Variants in SMYD3 observed in about 807,000 individuals in gnomAD.
The protein encoded by SMYD3 is SET and MYND domain containing 3.
Under a neutral mutation model 57.7 loss-of-function variants are expected in SMYD3, and 36 were observed. The observed-to-expected ratio is 0.62, with a 90% CI of 0.48 to 0.82. SMYD3 has a LOEUF of 0.82. Among genes scored for constraint, SMYD3 ranks in the 40% least tolerant of loss-of-function variants. The pLI, the probability that SMYD3 is intolerant of heterozygous loss-of-function variation, is 0.00. For missense variants in SMYD3, 515 were observed against 538.8 expected (o/e 0.96, Z 0.44); for synonymous variants, 211 against 195.0 (o/e 1.08, Z -0.68).
chr1:246,502,335 T>C lies in SMYD3; in HGVS notation c.164+4719A>G, dbSNP rs182930034. Among the ~76,000 whole-genome samples the C allele has an allele frequency of 2.6e-5, 4 of 152,166 alleles. No individual in the cohort carries two copies. In the East Asian group the frequency reaches 7.8e-4, roughly 30 times the overall value. The stretch of plus-strand genomic sequence containing the variant: ...TTAGTAGAGACAGGGTTTTGCCATG[T>C]CGCACAGGCTCATCTTGAACTTATG... On this transcript the variant is annotated intron_variant, in intron 1 of 11. Transcript: ENST00000490107.
chr1:245,947,324 A>G (rs2057458218), intron 5 of SMYD3: 1 of 455,376 alleles, frequency 2.2e-6, no homozygotes, highest in South Asian at 1.6e-5. Flanking sequence ...TGTGAATGTC[A>G]CAGTATTTGC....
intron 5 of SMYD3, among the ~76,000 whole-genome samples, chr1:246,051,470 T>G (rs962317084): frequency 2.0e-5 from 3 of 152,148 alleles, no homozygotes; most frequent in African/African-American, 7.2e-5. Flanking sequence ...ACACAGAAGT[T>G]GGTCCTCATA....
intron 10 of SMYD3, among the ~76,000 whole-genome samples, chr1:245,838,816 C>T (rs1198040446): frequency 6.6e-6 from 1 of 152,198 alleles, no homozygotes; most frequent in African/African-American, 2.4e-5. Flanking sequence ...ATCTGTAATA[C>T]TTAATGTATG....
intron 5 of SMYD3, among the ~76,000 whole-genome samples, chr1:245,980,079 TC>T (rs1285363697): frequency 3.9e-5 from 6 of 152,150 alleles, no homozygotes; most frequent in Admixed American, 3.9e-4. Context: ...GATAGTGAAG[TC>T]GGCCTCACAG....
rs1572942928 is a variant in SMYD3, at chr1:246,048,927, GTTTTTGTCC to G, written c.532-118999_532-118991del. On this transcript the variant is annotated intron_variant, in intron 5 of 11. Coordinates refer to ENST00000490107, the MANE Select transcript of SMYD3 (RefSeq NM_001167740.2). ...ACCAGGACATTGTCCATCTGGGATG[GTTTTTGTCC>G]AAACAGGAGGCGATAGTTATTAATT... 2.0e-5 allele frequency among the ~76,000 whole-genome samples: 3 copies of G among 152,264 alleles called. No homozygotes were observed. The East Asian group carries it at 5.8e-4, about 29-fold the overall frequency.
At chr1:246,176,873 C>T (rs181383231) in intron 5 of SMYD3, among the ~76,000 whole-genome samples, 50 of 152,224 alleles carry the variant, frequency 3.3e-4, no homozygotes, top group Non-Finnish European at 5.4e-4. Context: ...TCCCCTTAGA[C>T]GGCTCATGAG....
intron 5 of SMYD3, among the ~76,000 whole-genome samples, chr1:246,196,166 T>C (rs546179397): frequency 1.3e-5 from 2 of 152,294 alleles, no homozygotes; most frequent in East Asian, 1.9e-4. Flanking sequence ...GCAGGGGTGA[T>C]ATTTGCCCAG....
At chr1:245,869,601 G>A (rs567546663) in intron 8 of SMYD3, among the ~76,000 whole-genome samples, 24 of 152,238 alleles carry the variant, frequency 1.6e-4, no homozygotes, top group Non-Finnish European at 3.2e-4. Flanking sequence ...GAACTGTGCC[G>A]TTGTTCTCAG....
At chr1:246,379,556 G>A (rs1228682842) in intron 1 of SMYD3, among the ~76,000 whole-genome samples, 2 of 152,126 alleles carry the variant, frequency 1.3e-5, no homozygotes, top group African/African-American at 4.8e-5. Flanking sequence ...AAAAATTACT[G>A]AATTAACGTA....
chr1:246,394,643 A>C (rs930768752), intron 1 of SMYD3, among the ~76,000 whole-genome samples: 1 of 152,206 alleles, frequency 6.6e-6, no homozygotes, highest in African/African-American at 2.4e-5. Flanking sequence ...TCAACTCCCA[A>C]ACTTAGCTAT....
chr1:246,118,812 CT>C (rs10623626), intron 5 of SMYD3, among the ~76,000 whole-genome samples: 9,615 of 139,434 alleles, frequency 0.069, 514 homozygotes, highest in East Asian at 0.17. Context: ...GAGGCACGTG[CT>C]TTTTTTTTTT....
chr1:246,120,815 A>C (rs1270304937), intron 5 of SMYD3, among the ~76,000 whole-genome samples: 2 of 152,164 alleles, frequency 1.3e-5, no homozygotes, highest in African/African-American at 4.8e-5. Context: ...TTATGTACAC[A>C]TCTGTCTTCC....
intron 5 of SMYD3, among the ~76,000 whole-genome samples, chr1:246,270,609 T>C (rs1034154552): frequency 9.9e-5 from 15 of 152,228 alleles, no homozygotes; most frequent in Non-Finnish European, 2.2e-4. Flanking sequence ...TCACTTAGCA[T>C]AATGTCCTCA....
chr1:246,115,974 A>C (rs1456041711), intron 5 of SMYD3, among the ~76,000 whole-genome samples: 1 of 152,016 alleles, frequency 6.6e-6, no homozygotes, highest in East Asian at 1.9e-4. Flanking sequence ...CCCCATCTCT[A>C]CTAAAAATAC....
Position 245,930,311 on chromosome 1 carries a change from C to A in SMYD3, c.532-374G>T, listed in dbSNP as rs1198459669. The A allele has an allele frequency of 1.1e-5, 4 of 360,328 alleles. No individual in the cohort carries two copies. In the East Asian group the frequency reaches 2.9e-4, roughly 26 times the overall value. The allele number at this position is 360,328 out of a possible 1,614,324, so 22.3% of individuals were successfully genotyped here. A position where few individuals can be genotyped will look rare whatever the true frequency, so the allele number is the denominator to read the frequency against. Reference sequence around the variant, plus strand: ...TGAAAACTAGACTCCTGCTGTATCACGATTTTTTCAAACTGCATGCAGTTT... The same window carrying A: ...TGAAAACTAGACTCCTGCTGTATCAAGATTTTTTCAAACTGCATGCAGTTT... On this transcript the variant is annotated intron_variant, in intron 5 of 11. Coordinates refer to ENST00000490107, the MANE Select transcript of SMYD3 (RefSeq NM_001167740.2).
intron 5 of SMYD3, among the ~76,000 whole-genome samples, chr1:246,013,829 G>C (rs1474337899): frequency 6.6e-6 from 1 of 152,286 alleles, no homozygotes; most frequent in South Asian, 2.1e-4. Context: ...CTGTCACATA[G>C]CATCAAACAT....
At position 246,320,816 on chromosome 1, in the gene SMYD3, A is replaced by G. The variant is rs567794823; in HGVS notation, c.531+6385T>C. Among the ~76,000 whole-genome samples the G allele has an allele frequency of 5.1e-4, 78 of 152,352 alleles. No individual in the cohort carries two copies. The South Asian group carries it at 0.016, about 31-fold the overall frequency. The stretch of plus-strand genomic sequence containing the variant: ...TTGAGACTATCAATAACCATTGCCA[A>G]TAATTATCAATGGACATTTTAAGGG... On this transcript the variant is annotated intron_variant, in intron 5 of 11. Transcript: ENST00000490107.
At chr1:246,071,924 T>C (rs868051918) in intron 5 of SMYD3, among the ~76,000 whole-genome samples, 32 of 141,686 alleles carry the variant, frequency 2.3e-4, no homozygotes, top group East Asian at 1.2e-3. Flanking sequence ...TTCGTGTGCT[T>C]TCCACTGTGC....
intron 5 of SMYD3, among the ~76,000 whole-genome samples, chr1:246,009,866 G>A (rs2059248588): frequency 7.7e-6 from 1 of 130,594 alleles, no homozygotes; most frequent in Admixed American, 8.2e-5. Flanking sequence ...CTGAAGTGCA[G>A]TGGCGTGATC....
Sources: gnomAD v4.1 joint callset for allele counts (sites outside exome capture counted in the v4.1 genomes callset) on GRCh38, gnomAD v4.1.1 for gene constraint, MANE v1.5 for transcripts, NCBI Gene and HGNC (gene_info 2026-07-23, HGNC 2026-07-21) for gene names.